IQCJ: variants seen among roughly 807,000 people sequenced by gnomAD.
IQCJ encodes the protein IQ domain-containing protein J.
In IQCJ, 9 loss-of-function variants were observed where a neutral mutation model predicts 11.0. That is an observed-to-expected ratio of 0.82 (90% CI 0.49 to 1.43). The LOEUF (loss-of-function observed/expected upper bound fraction) is 1.43, where lower values mean the gene tolerates loss of function less well. Ranked by LOEUF, IQCJ falls within the 40% of genes most tolerant of loss-of-function variation. The pLI is 0.00. For missense variants in IQCJ, 146 were observed against 133.2 expected, an observed-to-expected ratio of 1.10 and a Z score of -0.47; for synonymous variants, 55 against 51.3, an observed-to-expected ratio of 1.07 and a Z score of -0.31.
In IQCJ at chr3:159,069,490, C is replaced by T. The variant is rs755902994; in HGVS notation, c.9+49C>T. 4.4e-6 allele frequency: 7 copies of T among 1,573,640 alleles called. No individual in the cohort carries two copies. The African/African-American group carries it at 8.3e-5, about 19-fold the overall frequency. On this transcript the variant is annotated intron_variant, in intron 1 of 3. Coordinates refer to ENST00000397832, the MANE Select transcript of IQCJ (RefSeq NM_001042706.3). ...GTGCCACTTTGATGTGCATTATATG[C>T]AGCTGCTTATTATTTTTTAAAAATC...
At chr3:159,121,201 A>G (rs933544557) in intron 1 of IQCJ, among the ~76,000 whole-genome samples, 8 of 149,002 alleles carry the variant, frequency 5.4e-5, no homozygotes, top group African/African-American at 7.5e-5. Context: ...TGGCATGATC[A>G]TGGCTCACTG....
At chr3:159,204,130 A>G (rs1459648820) in intron 1 of IQCJ, among the ~76,000 whole-genome samples, 1 of 152,196 alleles carries the variant, frequency 6.6e-6, no homozygotes, top group African/African-American at 2.4e-5. Flanking sequence ...ATAGTTATCT[A>G]CTGCTGCATA....
intron 1 of IQCJ, among the ~76,000 whole-genome samples, chr3:159,209,945 G>T (rs1724862738): frequency 6.6e-6 from 1 of 152,146 alleles, no homozygotes; most frequent in East Asian, 1.9e-4. Flanking sequence ...TGATAGCACA[G>T]GGCCTAAATA....
At chr3:159,259,984 A>G (rs1343532122) in intron 3 of IQCJ, among the ~76,000 whole-genome samples, 1 of 152,260 alleles carries the variant, frequency 6.6e-6, no homozygotes, top group Non-Finnish European at 1.5e-5. Flanking sequence ...CTGTATTAAG[A>G]AAGTCAGTGG....
chr3:159,245,119 G>A (rs114573466), intron 1 of IQCJ, among the ~76,000 whole-genome samples: 265 of 152,274 alleles, frequency 1.7e-3, no homozygotes, highest in African/African-American at 5.8e-3. Context: ...TCGTGTGTGT[G>A]TGTATGTGTG....
intron 1 of IQCJ, among the ~76,000 whole-genome samples, chr3:159,141,262 T>C (rs1403793130): frequency 6.6e-6 from 1 of 152,140 alleles, no homozygotes; most frequent in East Asian, 1.9e-4. Flanking sequence ...ATGAGCATTG[T>C]CAGGCTAGGA....
At chr3:159,107,924 C>T (rs541392618) in intron 1 of IQCJ, among the ~76,000 whole-genome samples, 3 of 148,204 alleles carry the variant, frequency 2.0e-5, no homozygotes, top group South Asian at 4.3e-4. Flanking sequence ...GAAGAACTCA[C>T]TGCCACGCTC....
chr3:159,227,412 G>A (rs962860844), intron 1 of IQCJ, among the ~76,000 whole-genome samples: 10 of 152,024 alleles, frequency 6.6e-5, no homozygotes, highest in African/African-American at 1.9e-4. Flanking sequence ...ATTTTGTATC[G>A]GGGATGGTGG....
intron 1 of IQCJ, among the ~76,000 whole-genome samples, chr3:159,086,324 G>C (rs1224256552): frequency 2.0e-5 from 3 of 152,194 alleles, no homozygotes; most frequent in Non-Finnish European, 4.4e-5. Context: ...TTGTAGCCTT[G>C]TAGTATAGTT....
chr3:159,235,555 G>A (rs73166216), intron 1 of IQCJ, among the ~76,000 whole-genome samples: 1,963 of 152,254 alleles, frequency 0.013, 23 homozygotes, highest in Admixed American at 0.029. Context: ...GCAGTTTGCT[G>A]GTGCTTATTC....
Position 159,090,549 on chromosome 3 carries a change from T to C in IQCJ, c.9+21108T>C, listed in dbSNP as rs528570141. Among the ~76,000 whole-genome samples the C allele has an allele frequency of 3.0e-4, 46 of 151,764 alleles. No individual in the cohort carries two copies. In the South Asian group the frequency reaches 9.4e-3, roughly 31 times the overall value. ...GTCTATTCATGGAGTCAGTGGACCA[T>C]GGGAGGGAAGTCAGACTTGTTCAGG... is the stretch of plus-strand genomic sequence containing the variant. On this transcript the variant is annotated intron_variant, in intron 1 of 3. Coordinates refer to ENST00000397832, the MANE Select transcript of IQCJ (RefSeq NM_001042706.3).
intron 1 of IQCJ, among the ~76,000 whole-genome samples, chr3:159,235,654 T>A (rs185100353): frequency 6.6e-6 from 1 of 152,300 alleles, no homozygotes; most frequent in East Asian, 1.9e-4. Context: ...TCTCAGGGAC[T>A]GAAATTATCT....
At chr3:159,248,684 C>T (rs1183194503) in intron 2 of IQCJ, among the ~76,000 whole-genome samples, 1 of 152,128 alleles carries the variant, frequency 6.6e-6, no homozygotes, top group Non-Finnish European at 1.5e-5. Context: ...TAACATCTTC[C>T]TTCATGTAGC....
chr3:159,155,267 C>G (rs1721451668), intron 1 of IQCJ, among the ~76,000 whole-genome samples: 1 of 152,182 alleles, frequency 6.6e-6, no homozygotes, highest in Non-Finnish European at 1.5e-5. Context: ...AAGAGATTCT[C>G]CTGCCTCAGT....
intron 1 of IQCJ, among the ~76,000 whole-genome samples, chr3:159,198,964 A>G (rs1724156044): frequency 6.6e-6 from 1 of 152,204 alleles, no homozygotes; most frequent in Non-Finnish European, 1.5e-5. Flanking sequence ...CAGTCAGAAG[A>G]AGGATTAGAC....
intron 1 of IQCJ, among the ~76,000 whole-genome samples, chr3:159,162,057 A>T (rs1169275634): frequency 6.6e-6 from 1 of 152,150 alleles, no homozygotes; most frequent in Admixed American, 6.5e-5. Context: ...GTTTTTTCCA[A>T]TTCTGTGAAG....
chr3:159,093,918 C>G (rs533170061), intron 1 of IQCJ, among the ~76,000 whole-genome samples: 1 of 151,790 alleles, frequency 6.6e-6, no homozygotes, highest in Non-Finnish European at 1.5e-5. Flanking sequence ...AGGTCCCTCC[C>G]CAAACACTTG....
intron 1 of IQCJ, among the ~76,000 whole-genome samples, chr3:159,239,112 A>C (rs1726759389): frequency 1.3e-5 from 2 of 152,324 alleles, no homozygotes; most frequent in Admixed American, 1.3e-4. Flanking sequence ...CTATGAGTGA[A>C]GATCTGTGGA....
intron 1 of IQCJ, among the ~76,000 whole-genome samples, chr3:159,146,552 A>G (rs1025291727): frequency 6.6e-6 from 1 of 152,248 alleles, no homozygotes; most frequent in Non-Finnish European, 1.5e-5. Flanking sequence ...AGGGGCAAGA[A>G]TCAAGGGTGT....
Sources: allele counts gnomAD v4.1 joint callset (sites outside exome capture counted in the v4.1 genomes callset), GRCh38; gene constraint gnomAD v4.1.1; transcripts MANE v1.5; gene names NCBI Gene and HGNC (gene_info 2026-07-23, HGNC 2026-07-21).